SLCO2A1: variants seen among roughly 807,000 people sequenced by gnomAD.
SLCO2A1 encodes matrin F/G 1.
In SLCO2A1, 60 loss-of-function variants were observed where a neutral mutation model predicts 71.7. That is an observed-to-expected ratio of 0.84 (90% confidence interval 0.68 to 1.04). The LOEUF is 1.04. Among genes scored for constraint, SLCO2A1 ranks in the 50% least tolerant of loss-of-function variants. The pLI is 0.00. For missense variants in SLCO2A1, 745 were observed against 813.4 expected, an observed-to-expected ratio of 0.92 and a Z score of 1.02; for synonymous variants, 308 against 326.7, an observed-to-expected ratio of 0.94 and a Z score of 0.62.
chr3:134,020,776 C>T (rs1218765138), intron 1 of SLCO2A1, among the ~76,000 whole-genome samples: 5 of 151,500 alleles, frequency 3.3e-5, no homozygotes, highest in East Asian at 1.9e-4. Context: ...GGCCTGATCA[C>T]GCATGGTGTG....
intron 5 of SLCO2A1, among the ~76,000 whole-genome samples, chr3:133,953,266 T>A (rs1405753166): frequency 1.3e-5 from 2 of 152,210 alleles, no homozygotes; most frequent in African/African-American, 2.4e-5. Flanking sequence ...CTTGATCTCC[T>A]GACCTCGTGA....
chr3:133,986,519 G>C (rs1314660771), intron 1 of SLCO2A1, among the ~76,000 whole-genome samples: 1 of 152,182 alleles, frequency 6.6e-6, no homozygotes, highest in Non-Finnish European at 1.5e-5. Flanking sequence ...GGCAGGGAGG[G>C]CAGGAGGCAC....
chr3:134,004,139 T>C (rs1332522090), intron 1 of SLCO2A1, among the ~76,000 whole-genome samples: 1 of 151,064 alleles, frequency 6.6e-6, no homozygotes, highest in Non-Finnish European at 1.5e-5. Context: ...TGTGTGTATC[T>C]TCTACTGTCT....
intron 1 of SLCO2A1, among the ~76,000 whole-genome samples, chr3:134,005,035 T>A (rs1238211166): frequency 6.6e-6 from 1 of 151,964 alleles, no homozygotes; most frequent in Non-Finnish European, 1.5e-5. Flanking sequence ...AAGACAGAGG[T>A]TTACAGTGGA....
rs1259104039 is a variant in SLCO2A1 at position 134,029,510 on chromosome 3, TCA to T, written c.96+195_96+196del. On this transcript the variant is annotated intron_variant, in intron 1 of 13. Coordinates refer to ENST00000310926, the MANE Select transcript of SLCO2A1 (RefSeq NM_005630.3). ...CACACTCGCACGCACACACACACGC[TCA>T]CACACACACACGCTCACACACACAC... Among the ~76,000 whole-genome samples the T allele has an allele frequency of 2.8e-5, 4 of 144,450 alleles. No homozygotes were observed. In the South Asian group the frequency reaches 8.7e-4, roughly 31 times the overall value. 94.8% of individuals were successfully genotyped at this position (144,450 alleles called of 152,430 possible).
intron 3 of SLCO2A1, among the ~76,000 whole-genome samples, chr3:133,960,372 A>G (rs554421297): frequency 6.6e-6 from 1 of 152,346 alleles, no homozygotes; most frequent in East Asian, 1.9e-4. Flanking sequence ...ATACAGCTGT[A>G]AAAAGGAAGA....
rs1342672739 is a variant in SLCO2A1 at position 134,022,393 on chromosome 3, G to A, written c.96+7314C>T. ...AAAGATTATAAGGAGGCATAAGAAT[G>A]TACATTTTTACCTACATTAAAAAGT... On this transcript the variant is annotated intron_variant, in intron 1 of 13. Coordinates refer to ENST00000310926, the MANE Select transcript of SLCO2A1 (RefSeq NM_005630.3). 2.0e-5 allele frequency among the ~76,000 whole-genome samples: 3 copies of A among 152,206 alleles called. No homozygotes were observed. The East Asian group carries it at 5.8e-4, about 29-fold the overall frequency.
intron 1 of SLCO2A1, among the ~76,000 whole-genome samples, chr3:134,013,684 G>T (rs974326453): frequency 6.6e-6 from 1 of 152,138 alleles, no homozygotes; most frequent in African/African-American, 2.4e-5. Flanking sequence ...CTCCACCTGG[G>T]AGTCCATATC....
At chr3:134,022,340 TAAGAA>T (rs1394028539) in intron 1 of SLCO2A1, among the ~76,000 whole-genome samples, 3 of 152,160 alleles carry the variant, frequency 2.0e-5, no homozygotes, top group South Asian at 2.1e-4. Flanking sequence ...GCAAGGTGTA[TAAGAA>T]AAGTAAAATA....
chr3:133,958,142 G>A (rs2108047295), intron 3 of SLCO2A1, among the ~76,000 whole-genome samples: 1 of 152,332 alleles, frequency 6.6e-6, no homozygotes, highest in South Asian at 2.1e-4. Flanking sequence ...CCAGAACTGG[G>A]TGTGGCGCTG....
At chr3:133,997,925 A>T (rs1337388880) in intron 1 of SLCO2A1, among the ~76,000 whole-genome samples, 1 of 152,240 alleles carries the variant, frequency 6.6e-6, no homozygotes, top group Non-Finnish European at 1.5e-5. Flanking sequence ...TGGTGATAAC[A>T]GTAGTGACTG....
intron 1 of SLCO2A1, among the ~76,000 whole-genome samples, chr3:134,004,315 AT>A (rs1477919876): frequency 6.6e-6 from 1 of 152,182 alleles, no homozygotes; most frequent in Non-Finnish European, 1.5e-5. Flanking sequence ...GTGGTCTTAA[AT>A]TAATCACAAG....
At chr3:134,002,893 TA>T (rs796446397) in intron 1 of SLCO2A1, among the ~76,000 whole-genome samples, 8 of 148,630 alleles carry the variant, frequency 5.4e-5, no homozygotes, top group African/African-American at 7.4e-5. Flanking sequence ...ACAGCGCAGC[TA>T]AAAAAAAAAG....
rs149442736 is a variant in SLCO2A1, at chr3:134,013,431, C to T, written c.96+16276G>A. ...CCTGCTTTCTCCCCACCCTTCCCTT[C>T]CACTGCTGTCCCTTTGCCCCCCACC... On this transcript the variant is annotated intron_variant, in intron 1 of 13. Transcript: ENST00000310926. 4.6e-3 allele frequency among the ~76,000 whole-genome samples: 700 copies of T among 152,348 alleles called. 4 individuals carry two copies. Among genetic ancestry groups the T allele is most frequent in the African/African-American group, 0.016 (649 of 41,584 alleles).
At chr3:134,022,649 A>G (rs1196325037) in intron 1 of SLCO2A1, among the ~76,000 whole-genome samples, 1 of 152,244 alleles carries the variant, frequency 6.6e-6, no homozygotes, top group East Asian at 1.9e-4. Context: ...ATGGTCAAAC[A>G]TTAAAAATTA....
intron 3 of SLCO2A1, among the ~76,000 whole-genome samples, chr3:133,955,949 C>T (rs72980326): frequency 0.028 from 4,302 of 152,250 alleles, 200 homozygotes; most frequent in African/African-American, 0.098. Context: ...CTGGGTGAGG[C>T]CTGTGGGCAC....
chr3:134,028,252 G>T (rs1376297055), intron 1 of SLCO2A1, among the ~76,000 whole-genome samples: 1 of 151,986 alleles, frequency 6.6e-6, no homozygotes, highest in Non-Finnish European at 1.5e-5. Context: ...TCCTGCAGAG[G>T]CCCCTTTCTT....
intron 1 of SLCO2A1, 144 bp downstream of exon 1, chr3:134,029,563 C>A (rs1378173607): frequency 2.8e-5 from 17 of 598,622 alleles, no homozygotes; most frequent in Non-Finnish European, 4.6e-5. Flanking sequence ...CAGCACGCGT[C>A]GCCCGGGGAT....
chr3:134,002,720 A>T (rs960174526), intron 1 of SLCO2A1, among the ~76,000 whole-genome samples: 1 of 152,146 alleles, frequency 6.6e-6, no homozygotes, highest in African/African-American at 2.4e-5. Flanking sequence ...CATTTATAAT[A>T]AACTCTCATG....
Sources: gnomAD v4.1 joint callset for allele counts (sites outside exome capture counted in the v4.1 genomes callset) on GRCh38, gnomAD v4.1.1 for gene constraint, MANE v1.5 for transcripts, NCBI Gene and HGNC (gene_info 2026-07-23, HGNC 2026-07-21) for gene names.